MYH2: variants seen among roughly 807,000 people sequenced by gnomAD.
The protein encoded by MYH2 is myosin-2.
A neutral mutation model predicts 228.1 loss-of-function variants in MYH2; 139 were observed. The observed-to-expected ratio is 0.61, with a 90% CI of 0.53 to 0.70. The LOEUF (loss-of-function observed/expected upper bound fraction) is 0.70, where lower values mean the gene tolerates loss of function less well. MYH2 is among the 30% of genes least tolerant of loss of function. MYH2 has a pLI of 0.00. For missense variants in MYH2, 1,809 were observed against 2,357.5 expected, an observed-to-expected ratio of 0.77 and a Z score of 4.82; for synonymous variants, 796 against 871.1, an observed-to-expected ratio of 0.91 and a Z score of 1.52.
At position 10,533,183 on chromosome 17, in the gene MYH2, C is replaced by T. The variant is rs555745094; in HGVS notation, c.2441+102G>A. 3.4e-5 allele frequency: 52 copies of T among 1,522,626 alleles called. 1 individual carries two copies. In the South Asian group the frequency reaches 5.5e-4, roughly 16 times the overall value. The allele number at this position is 1,522,626 out of a possible 1,614,324, so 94.3% of individuals were successfully genotyped here. A position where few individuals can be genotyped will look rare whatever the true frequency, so the allele number is the denominator to read the frequency against. On this transcript the variant is annotated intron_variant, in intron 21 of 39. Coordinates refer to ENST00000245503, the MANE Select transcript of MYH2 (RefSeq NM_017534.6). ...CCCACTTCATTATAGGACTCTTATT[C>T]ATTTCTTCTTTAGTGTCCTTATCAT...
In MYH2 at chr17:10,539,568, A is replaced by T. The variant is rs2073526223; in HGVS notation, c.1148-6T>A. 1 of 1,607,868 alleles carries T rather than the reference A, an allele frequency of 6.2e-7. No homozygotes were observed. The highest frequency in any genetic ancestry group is 8.5e-7 in the Non-Finnish European group (1 of 1,174,426). On this transcript the variant is annotated splice_polypyrimidine_tract_variant and splice_region_variant and intron_variant, in intron 12 of 39. Coordinates refer to ENST00000245503, the MANE Select transcript of MYH2 (RefSeq NM_017534.6). ...GTAGGCCGCCTTGTCAGCAACTAAA[A>T]AGAAGAAAGAGTAGAACAATGTTAT...
rs2073384756 is a variant in MYH2 at position 10,528,713 on chromosome 17, C to T, written c.3721G>A (p.Val1241Ile). 6.2e-7 allele frequency: 1 copy of T among 1,614,080 alleles called. No homozygotes were observed. Among genetic ancestry groups the T allele is most frequent in the Non-Finnish European group, 8.5e-7 (1 of 1,179,968 alleles). ...KMEIDDLASNVETVSKAKGNL... is the reference protein window; with the variant it reads ...KMEIDDLASNIETVSKAKGNL... ...ACCTTGGCTTTGGAGACCGTTTCTACATTACTAGCAAGGTCATCAATCTCC... is the reference window on the plus strand; with the variant it reads ...ACCTTGGCTTTGGAGACCGTTTCTATATTACTAGCAAGGTCATCAATCTCC... Residue 1241 changes from valine (V) to isoleucine (I), a missense_variant, in exon 27 of 40, where the codon GTA becomes ATA. This residue lies in a region of MYH2 where 636 missense variants were observed against 729.9 expected (regional missense o/e 0.87). Coordinates refer to ENST00000245503, the MANE Select transcript of MYH2 (RefSeq NM_017534.6).
chr17:10,539,358 A>G lies in MYH2; in HGVS notation c.1267-4T>C, dbSNP rs746439505. Reference sequence around the variant, plus strand: ...GAGCACCTACTGCGTTGGACACCTTAAAAGACAAAATTATAACTCTCGAAG... The same window carrying G: ...GAGCACCTACTGCGTTGGACACCTTGAAAGACAAAATTATAACTCTCGAAG... On this transcript the variant is annotated splice_region_variant and splice_polypyrimidine_tract_variant and intron_variant, in intron 13 of 39. Coordinates refer to ENST00000245503, the MANE Select transcript of MYH2 (RefSeq NM_017534.6). 3.1e-6 allele frequency: 5 copies of G among 1,614,068 alleles called. No homozygotes were observed. The highest frequency in any genetic ancestry group is 1.1e-5 in the South Asian group (1 of 91,080).
Position 10,525,664 on chromosome 17 carries a change from T to C in MYH2, c.4371+29A>G, listed in dbSNP as rs998538222. 6.2e-7 allele frequency: 1 copy of C among 1,613,782 alleles called. No individual in the cohort carries two copies. The highest frequency in any genetic ancestry group is 1.7e-5 in the Admixed American group (1 of 59,968). The stretch of plus-strand genomic sequence containing the variant: ...CTGCTGCAAAGACAAAAGAGTAGAG[T>C]AAAGAGCAGAAGATGCTGGAGGAAT... On this transcript the variant is annotated intron_variant, in intron 31 of 39. Transcript: ENST00000245503. This position sits in a 1 kb window ranked among gnomAD's most constrained non-coding sequence, Gnocchi z 4.2.
chr17:10,522,348 G>A (rs2073294494), intron 39 of MYH2, among the ~76,000 whole-genome samples: 1 of 152,004 alleles, frequency 6.6e-6, no homozygotes, highest in South Asian at 2.1e-4. Context: ...AATCCTCTAT[G>A]TATATAGCTT....
rs1197038834 is a variant in MYH2 at position 10,525,820 on chromosome 17, G to A, written c.4244C>T (p.Ala1415Val). The A allele has an allele frequency of 3.1e-6, 5 of 1,614,114 alleles. No individual in the cohort carries two copies. In the East Asian group the frequency reaches 1.1e-4, roughly 36 times the overall value. ...AAEEHVEAVN[A>V]KCASLEKTKQ... ...CGTCTTTTCGAGGGAAGCACATTTG[G>A]CGTTCACAGCTTCTACATGTTCCTC... The change falls in exon 31 of 40, where the codon GCC (alanine) becomes GTC (valine). Residue 1415 changes from alanine (A) to valine (V), a missense_variant. Ala to Val is a moderately conservative substitution (Grantham distance 64, BLOSUM62 0). Around this residue, in one of 9 missense-constraint regions of MYH2, gnomAD observed 636 missense variants for 729.9 expected, o/e 0.87. Coordinates refer to ENST00000245503, the MANE Select transcript of MYH2 (RefSeq NM_017534.6). The surrounding 1 kb of genome is among the most constrained non-coding windows in gnomAD (Gnocchi z 4.2).
chr17:10,528,590 C>A (rs1241596446), intron 27 of MYH2, 100 bp downstream of exon 27: 14 of 1,544,114 alleles, frequency 9.1e-6, no homozygotes, highest in African/African-American at 1.4e-5. Context: ...TGAATTACTG[C>A]AGTTAACAAA....
chr17:10,528,925 T>A lies in MYH2; in HGVS notation c.3509A>T (p.Asn1170Ile). The change falls in exon 27 of 40, where the codon AAC becomes ATC. Residue 1170 changes from asparagine to isoleucine, a missense_variant. Transcript: ENST00000245503. Reference protein sequence around the residue: ...GGATSAQIEMNKKREAEFQKM... With the variant: ...GGATSAQIEMIKKREAEFQKM... ...CTGGAACTCAGCCTCCCGCTTCTTG[T>A]TCATCTCAATCTGGGCTGAAGTGGC... The A allele has an allele frequency of 6.2e-7, 1 of 1,614,180 alleles. No individual in the cohort carries two copies. Among genetic ancestry groups the A allele is most frequent in the Non-Finnish European group, 8.5e-7 (1 of 1,180,030 alleles).
At chr17:10,533,238 AAT>A in intron 21 of MYH2, 45 bp downstream of exon 21, 2 of 1,611,840 alleles carry the variant, frequency 1.2e-6, no homozygotes, top group East Asian at 2.2e-5. Flanking sequence ...AGCCATTTCA[AAT>A]ATGTTTTTGA....
At chr17:10,528,091 T>TG (rs1316798872) in intron 27 of MYH2, among the ~76,000 whole-genome samples, 1 of 143,400 alleles carries the variant, frequency 7.0e-6, no homozygotes, top group African/African-American at 2.6e-5. Flanking sequence ...GTCCCCAGGC[T>TG]GGAGTGCAGT....
intron 30 of MYH2, among the ~76,000 whole-genome samples, chr17:10,526,263 G>A (rs188119236): frequency 6.6e-6 from 1 of 152,210 alleles, no homozygotes; most frequent in African/African-American, 2.4e-5. Context: ...GAGAGCCAAA[G>A]GGAAGTCTGT....
intron 5 of MYH2, among the ~76,000 whole-genome samples, chr17:10,544,946 T>A: frequency 6.6e-6 from 1 of 152,130 alleles, no homozygotes; most frequent in East Asian, 1.9e-4. Context: ...CAGAGACAAG[T>A]TTTACTCTTC....
At chr17:10,540,775 G>A in intron 10 of MYH2, 78 bp from the exon 11 acceptor site, 2 of 1,281,828 alleles carry the variant, frequency 1.6e-6, no homozygotes, top group Non-Finnish European at 2.2e-6. Flanking sequence ...CAAATTGTGA[G>A]GCACTATATT....
rs1356962763 is a variant in MYH2 at position 10,540,817 on chromosome 17, G to A, written c.905-120C>T. On this transcript the variant is annotated intron_variant, in intron 10 of 39. Transcript: ENST00000245503. ...GGAACTCAGGGACCCCAAATAGAGG[G>A]ACCGGCTGAAGCCATGGTGGAAGAA... The A allele has an allele frequency of 6.3e-6, 5 of 792,068 alleles. No individual in the cohort carries two copies. In the East Asian group the frequency reaches 1.1e-4, roughly 17 times the overall value. 49.1% of individuals were successfully genotyped at this position (792,068 alleles called of 1,614,324 possible).
chr17:10,527,460 C>A (rs1365251497), intron 28 of MYH2, among the ~76,000 whole-genome samples: 1 of 152,146 alleles, frequency 6.6e-6, no homozygotes, highest in Non-Finnish European at 1.5e-5. Context: ...GAAACTTGGC[C>A]TGAAAGAGAA....
rs778383764 is a variant in MYH2, at chr17:10,535,179, G to A, written c.2074C>T (p.His692Tyr). ...NETKTPGAME[H>Y]ELVLHQLRCN... ...CTCAGCTGGTGGAGGACAAGCTCAT[G>A]CTCCATGGCACCTAAAAATGCATAT... The change falls in exon 19 of 40, where the codon CAT (histidine) becomes TAT (tyrosine). Residue 692 changes from histidine to tyrosine, a missense_variant. Transcript: ENST00000245503. 1.2e-6 allele frequency: 2 copies of A among 1,614,028 alleles called. No individual in the cohort carries two copies. The highest frequency in any genetic ancestry group is 2.7e-5 in the African/African-American group (2 of 74,912).
rs1282809610 is a variant in MYH2 at position 10,527,754 on chromosome 17, C to T, written c.3865G>A (p.Glu1289Lys). The change falls in exon 28 of 40, where the codon GAA (glutamate) becomes AAA (lysine). Residue 1289 changes from glutamate (E) to lysine (K), a missense_variant. This residue lies in a region of MYH2 where 636 missense variants were observed against 729.9 expected (regional missense o/e 0.87). Transcript: ENST00000245503. Reference sequence around the variant, plus strand: ...CAGAAGAGGGGAGAGTTACCAGATTCAGTCTGCAGGCGCCCCCTCTGCGCA... The same window carrying T: ...CAGAAGAGGGGAGAGTTACCAGATTTAGTCTGCAGGCGCCCCCTCTGCGCA... ...LTAQRGRLQT[E>K]SGEFSRQLDE... 2 of 1,614,102 alleles carry T rather than the reference C, an allele frequency of 1.2e-6. No homozygotes were observed. Among genetic ancestry groups the T allele is most frequent in the Non-Finnish European group, 1.7e-6 (2 of 1,180,030 alleles).
rs371002343 is a variant in MYH2, at chr17:10,525,189, C to T, written c.4662+35G>A. ...CTATGCAGATGTACCTAATTATTTT[C>T]CAGATTTTTTTATAATGCACAATTT... On this transcript the variant is annotated intron_variant, in intron 33 of 39. Coordinates refer to ENST00000245503, the MANE Select transcript of MYH2 (RefSeq NM_017534.6). The surrounding 1 kb of genome is among the most constrained non-coding windows in gnomAD (Gnocchi z 4.2). The T allele has an allele frequency of 1.2e-6, 2 of 1,613,760 alleles. No homozygotes were observed. Among genetic ancestry groups the T allele is most frequent in the African/African-American group, 2.7e-5 (2 of 74,870 alleles).
rs202050465 is a variant in MYH2 at position 10,524,470 on chromosome 17, G to T, written c.5171C>A (p.Thr1724Asn). ...GTTCTTTGTGCTGAATCCCACCTGGGTGTGCAGTAGCTGAACACGCTCACT... is the reference window on the plus strand; with the variant it reads ...GTTCTTTGTGCTGAATCCCACCTGGTTGTGCAGTAGCTGAACACGCTCACT... ...DASERVQLLH[T>N]QNTSLINTKK... The change falls in exon 35 of 40, where the codon ACC becomes AAC. Residue 1724 changes from threonine (T) to asparagine (N), a missense_variant. Physicochemically the swap from Thr to Asn is moderately conservative, Grantham distance 65 (BLOSUM62 0). Around this residue, in one of 9 missense-constraint regions of MYH2, gnomAD observed 278 missense variants for 308.5 expected, o/e 0.90. Coordinates refer to ENST00000245503, the MANE Select transcript of MYH2 (RefSeq NM_017534.6). This position sits in a 1 kb window ranked among gnomAD's most constrained non-coding sequence, Gnocchi z 4.7. 9.3e-6 allele frequency: 15 copies of T among 1,614,156 alleles called. No homozygotes were observed. The South Asian group carries it at 1.6e-4, about 18-fold the overall frequency.
Sources: allele counts gnomAD v4.1 joint callset (sites outside exome capture counted in the v4.1 genomes callset), GRCh38; gene constraint gnomAD v4.1.1; regional missense constraint gnomAD v4.1.1; non-coding constraint Gnocchi (gnomAD v3.1); transcripts MANE v1.5; gene names NCBI Gene and HGNC (gene_info 2026-07-23, HGNC 2026-07-21).